Variants in BEND6 observed in about 807,000 individuals in gnomAD.
BEND6 encodes the protein BEN domain containing 6.
BEND6 carries 24 observed loss-of-function variants against 31.8 expected under a neutral mutation model. The ratio of observed to expected loss-of-function variants is 0.75; its 90% CI spans 0.55 to 1.06. The LOEUF (loss-of-function observed/expected upper bound fraction) is 1.06, where lower values mean the gene tolerates loss of function less well. Among genes scored for constraint, BEND6 ranks in the 50% least tolerant of loss-of-function variants. BEND6 has a pLI of 0.00. For missense variants in BEND6, 294 were observed against 327.4 expected (o/e 0.90, Z 0.79); for synonymous variants, 109 against 114.6 (o/e 0.95, Z 0.31).
intron 3 of BEND6, among the ~76,000 whole-genome samples, chr6:57,011,715 C>CAAAAAAAAAAAAAAAAAAAAAAAA (rs770049459): frequency 2.9e-5 from 1 of 34,104 alleles, no homozygotes; most frequent in Non-Finnish European, 5.9e-5. Flanking sequence ...GGCCCTGTCT[C>CAAAAAAAAAAAAAAAAAAAAAAAA]AAAAAAAAAA....
chr6:56,994,884 C>T (rs760114297), intron 3 of BEND6, among the ~76,000 whole-genome samples: 11 of 152,172 alleles, frequency 7.2e-5, no homozygotes, highest in Non-Finnish European at 1.0e-4. Context: ...CTCTCTCCCA[C>T]GCTCCAAATT....
chr6:57,011,715 C>CAAAAAAAA (rs770049459), intron 3 of BEND6, among the ~76,000 whole-genome samples: 1 of 34,090 alleles, frequency 2.9e-5, no homozygotes, highest in African/African-American at 1.1e-4. Context: ...GGCCCTGTCT[C>CAAAAAAAA]AAAAAAAAAA....
At chr6:56,991,027 A>G (rs1323356834) in intron 2 of BEND6, among the ~76,000 whole-genome samples, 1 of 152,232 alleles carries the variant, frequency 6.6e-6, no homozygotes, top group Non-Finnish European at 1.5e-5. Context: ...CATTTTCACC[A>G]ATAATATTGC....
At chr6:56,987,033 T>C (rs2127857862) in intron 2 of BEND6, among the ~76,000 whole-genome samples, 1 of 150,428 alleles carries the variant, frequency 6.6e-6, no homozygotes, top group Non-Finnish European at 1.5e-5. Flanking sequence ...TGGAGTGCAG[T>C]GGCACAATCT....
Position 56,986,233 on chromosome 6 carries a change from T to A in BEND6, c.120+4303T>A, listed in dbSNP as rs1826268140. ...ATGTATATATATACAAACACATATA[T>A]AACAATGAAATATACAAACATATAC... is the stretch of plus-strand genomic sequence containing the variant. On this transcript the variant is annotated intron_variant, in intron 2 of 6. Transcript: ENST00000370746. 1.3e-5 allele frequency among the ~76,000 whole-genome samples: 2 copies of A among 152,118 alleles called. 1 individual carries two copies. Among genetic ancestry groups the A allele is most frequent in the South Asian group, 4.1e-4 (2 of 4,834 alleles).
chr6:56,980,130 C>T (rs1329312757), intron 1 of BEND6, among the ~76,000 whole-genome samples: 2 of 152,172 alleles, frequency 1.3e-5, no homozygotes, highest in Non-Finnish European at 2.9e-5. Flanking sequence ...AGCAGGGATT[C>T]CCTGGATCTC....
intron 1 of BEND6, among the ~76,000 whole-genome samples, chr6:56,980,343 C>T (rs1377637568): frequency 1.3e-5 from 2 of 152,132 alleles, no homozygotes; most frequent in Non-Finnish European, 2.9e-5. Context: ...CGTGAGCCAC[C>T]ATGCCTGGCT....
intron 1 of BEND6, among the ~76,000 whole-genome samples, chr6:56,960,977 C>A (rs1415150957): frequency 6.6e-6 from 1 of 151,642 alleles, no homozygotes; most frequent in East Asian, 2.0e-4. Flanking sequence ...CTGTTCTTGC[C>A]AGTCCTATCT....
chr6:57,026,905 C>A lies in BEND6; in HGVS notation c.*833C>A, dbSNP rs1005796143. On this transcript the variant is annotated 3_prime_UTR_variant, in exon 7 of 7. Coordinates refer to ENST00000370746, the MANE Select transcript of BEND6 (RefSeq NM_152731.3). ...AAAGCATCAATATCACCTAACACAT[C>A]GTATATAAGATATAACATGATAGAT... 5 of 151,994 alleles carry A rather than the reference C, an allele frequency of 3.3e-5. No homozygotes were observed. Among genetic ancestry groups the A allele is most frequent in the African/African-American group, 9.7e-5 (4 of 41,370 alleles). 9.4% of individuals were successfully genotyped at this position (151,994 alleles called of 1,614,324 possible). A position where few individuals can be genotyped will look rare whatever the true frequency, so the allele number is the denominator to read the frequency against.
chr6:56,967,163 C>T (rs1825512305), intron 1 of BEND6, among the ~76,000 whole-genome samples: 1 of 152,104 alleles, frequency 6.6e-6, no homozygotes, highest in Non-Finnish European at 1.5e-5. Context: ...GTATGAGGAG[C>T]CCTGCCATGT....
At chr6:56,993,202 T>A (rs1228883445) in intron 3 of BEND6, among the ~76,000 whole-genome samples, 1 of 152,270 alleles carries the variant, frequency 6.6e-6, no homozygotes, top group African/African-American at 2.4e-5. Flanking sequence ...TCCTATGTGA[T>A]GTTCATGTGT....
At chr6:56,998,752 C>CA (rs769214781) in intron 3 of BEND6, among the ~76,000 whole-genome samples, 1,295 of 93,934 alleles carry the variant, frequency 0.014, 16 homozygotes, top group East Asian at 0.094. Context: ...GCAACAAAAG[C>CA]AAAAAAAAAA....
At chr6:56,978,848 T>C (rs1310627928) in intron 1 of BEND6, among the ~76,000 whole-genome samples, 1 of 152,198 alleles carries the variant, frequency 6.6e-6, no homozygotes. Flanking sequence ...TGCTGTAGAC[T>C]TAATAATGTT....
intron 2 of BEND6, among the ~76,000 whole-genome samples, chr6:56,989,451 A>G (rs1195963337): frequency 6.6e-6 from 1 of 152,200 alleles, no homozygotes; most frequent in African/African-American, 2.4e-5. Context: ...ACAAATACTG[A>G]AAGTTTCTCT....
At chr6:57,020,220 T>C (rs4715644) in intron 6 of BEND6, among the ~76,000 whole-genome samples, 151,730 of 152,122 alleles carry the variant, frequency 1, 75,672 homozygotes, top group Middle Eastern at 1. Context: ...TAGTACTTCC[T>C]ATTTTGACAT....
At chr6:56,997,969 G>T (rs1246725367) in intron 3 of BEND6, among the ~76,000 whole-genome samples, 1 of 151,946 alleles carries the variant, frequency 6.6e-6, no homozygotes, top group South Asian at 2.1e-4. Flanking sequence ...GCGTGTGTGT[G>T]GGGGTGGGGG....
rs57185788 is a variant in BEND6 at position 57,022,164 on chromosome 6, C to CTT, written c.*9+3624_*9+3625dup. 9.5e-3 allele frequency among the ~76,000 whole-genome samples: 1,054 copies of CTT among 111,134 alleles called. 6 individuals are homozygous for CTT. The highest frequency in any genetic ancestry group is 0.016 in the Non-Finnish European group (795 of 50,784). 72.9% of individuals were successfully genotyped at this position (111,134 alleles called of 152,430 possible). ...CTTCAATTTTTCTTTTTTTCTTTTT[C>CTT]TTTTTTTTTTTTTTTTTTGAAGAAT... On this transcript the variant is annotated intron_variant, in intron 6 of 6. Transcript: ENST00000370746.
At chr6:56,988,789 G>A (rs1826382966) in intron 2 of BEND6, among the ~76,000 whole-genome samples, 1 of 152,162 alleles carries the variant, frequency 6.6e-6, no homozygotes, top group African/African-American at 2.4e-5. Flanking sequence ...AGCACTTTGG[G>A]AGTCCGAGGT....
At chr6:56,975,063 G>C (rs1287016644) in intron 1 of BEND6, among the ~76,000 whole-genome samples, 1 of 152,114 alleles carries the variant, frequency 6.6e-6, no homozygotes, top group Admixed American at 6.6e-5. Context: ...GGCTGCAGGA[G>C]CTGAGACCGA....
Sources: gnomAD v4.1 joint callset for allele counts (sites outside exome capture counted in the v4.1 genomes callset) on GRCh38, gnomAD v4.1.1 for gene constraint, MANE v1.5 for transcripts, NCBI Gene and HGNC (gene_info 2026-07-23, HGNC 2026-07-21) for gene names.